FAF1: variants seen among roughly 807,000 people sequenced by gnomAD.
FAF1 encodes the protein FAS-associated factor 1.
In FAF1, 25 loss-of-function variants were observed where a neutral mutation model predicts 92.5. The observed-to-expected ratio is 0.27, with a 90% CI of 0.20 to 0.38. The LOEUF (loss-of-function observed/expected upper bound fraction) is 0.38, where lower values mean the gene tolerates loss of function less well. Ranked by LOEUF, FAF1 falls within the 10% of genes least tolerant of loss-of-function variation. FAF1 has a pLI of 1.00. For synonymous variants in FAF1, 234 were observed against 273.2 expected, an observed-to-expected ratio of 0.86 and a Z score of 1.42; for missense variants, 636 against 793.3, an observed-to-expected ratio of 0.80 and a Z score of 2.38.
chr1:50,799,653 T>C (rs1661898879), intron 3 of FAF1, among the ~76,000 whole-genome samples: 1 of 152,228 alleles, frequency 6.6e-6, no homozygotes, highest in Non-Finnish European at 1.5e-5. Context: ...CTCATGAGAA[T>C]ATTGCTTTAT....
chr1:50,690,998 C>T (rs1656896959), intron 7 of FAF1, among the ~76,000 whole-genome samples: 1 of 152,170 alleles, frequency 6.6e-6, no homozygotes, highest in Non-Finnish European at 1.5e-5. Flanking sequence ...TGGACTTCCA[C>T]ATTTTGGCTA....
intron 18 of FAF1, among the ~76,000 whole-genome samples, chr1:50,473,365 T>G (rs897713098): frequency 6.6e-6 from 1 of 152,190 alleles, no homozygotes; most frequent in Non-Finnish European, 1.5e-5. Context: ...GTCCTTAAAC[T>G]CTATTTCTTT....
chr1:50,840,501 T>C (rs1262082322), intron 2 of FAF1, among the ~76,000 whole-genome samples: 2 of 152,038 alleles, frequency 1.3e-5, no homozygotes, highest in African/African-American at 2.4e-5. Context: ...GGAAGATTTA[T>C]AAGGAATCTT....
chr1:50,686,407 T>C (rs1656658383), intron 7 of FAF1, among the ~76,000 whole-genome samples: 1 of 152,048 alleles, frequency 6.6e-6, no homozygotes, highest in Admixed American at 6.6e-5. Context: ...CTGGGTGTGG[T>C]GGCGAATGCC....
intron 8 of FAF1, among the ~76,000 whole-genome samples, chr1:50,623,575 GAAAA>G (rs1225232060): frequency 1.6e-4 from 21 of 131,676 alleles, no homozygotes; most frequent in Middle Eastern, 8.0e-3. Context: ...ACTCTGTCTT[GAAAA>G]AAAAAAAAAG....
rs111951410 is a variant in FAF1, at chr1:50,635,837, T to C, written c.744+19605A>G. Among the ~76,000 whole-genome samples, 226 of 152,326 alleles carry C rather than the reference T, an allele frequency of 1.5e-3. 2 individuals are homozygous for C. Among genetic ancestry groups the C allele is most frequent in the African/African-American group, 5.2e-3 (215 of 41,580 alleles). On this transcript the variant is annotated intron_variant, in intron 8 of 18. Coordinates refer to ENST00000396153, the MANE Select transcript of FAF1 (RefSeq NM_007051.3). ...TAAAGATAATTGCTCAACTGATAAA[T>C]AGAAATTTAGGTCAGCTACTAGGGG...
At chr1:50,446,340 C>T (rs138226090) in intron 18 of FAF1, among the ~76,000 whole-genome samples, 5 of 152,316 alleles carry the variant, frequency 3.3e-5, no homozygotes, top group African/African-American at 1.2e-4. Context: ...ATGAGTATCA[C>T]TAATGTAAAA....
intron 2 of FAF1, among the ~76,000 whole-genome samples, chr1:50,843,534 G>T (rs1322895601): frequency 6.6e-6 from 1 of 151,724 alleles, no homozygotes; most frequent in Non-Finnish European, 1.5e-5. Context: ...TTCATCCCCC[G>T]CTCCCTACCA....
chr1:50,491,865 AAACT>A, intron 15 of FAF1, 64 bp from the exon 16 acceptor site: 1 of 1,237,286 alleles, frequency 8.1e-7, no homozygotes, highest in Non-Finnish European at 1.2e-6. Flanking sequence ...AAGAGAAAAA[AAACT>A]AATGGTAATC....
At chr1:50,881,870 C>T (rs1318429216) in intron 1 of FAF1, among the ~76,000 whole-genome samples, 1 of 152,096 alleles carries the variant, frequency 6.6e-6, no homozygotes, top group Non-Finnish European at 1.5e-5. Context: ...GAGAAGGCAA[C>T]ATTAATATGT....
At chr1:50,594,263 C>T (rs1572856696) in intron 9 of FAF1, among the ~76,000 whole-genome samples, 4 of 150,160 alleles carry the variant, frequency 2.7e-5, no homozygotes, top group African/African-American at 2.5e-5. Flanking sequence ...TGTAGTGAGC[C>T]GAGATCGCAC....
chr1:50,805,083 A>G (rs995490916), intron 2 of FAF1, among the ~76,000 whole-genome samples: 12 of 152,364 alleles, frequency 7.9e-5, no homozygotes, highest in African/African-American at 2.6e-4. Context: ...CTCTCACTCT[A>G]TAATAGGAAA....
chr1:50,518,451 T>G (rs1647318929), intron 15 of FAF1, among the ~76,000 whole-genome samples: 1 of 151,960 alleles, frequency 6.6e-6, no homozygotes, highest in African/African-American at 2.4e-5. Flanking sequence ...TTCTTTTTTT[T>G]TTTTTTTAAG....
At chr1:50,900,678 C>T (rs1557581270) in intron 1 of FAF1, among the ~76,000 whole-genome samples, 2 of 152,164 alleles carry the variant, frequency 1.3e-5, no homozygotes, top group African/African-American at 4.8e-5. Flanking sequence ...ACAGCACATG[C>T]TCAGTAAGTC....
chr1:50,722,439 G>A (rs1245228479), intron 6 of FAF1, among the ~76,000 whole-genome samples: 1 of 152,100 alleles, frequency 6.6e-6, no homozygotes, highest in African/African-American at 2.4e-5. Flanking sequence ...ATGAGGTCAG[G>A]AGATTGAGAC....
intron 1 of FAF1, among the ~76,000 whole-genome samples, chr1:50,887,520 T>A (rs1342608467): frequency 6.6e-6 from 1 of 152,232 alleles, no homozygotes; most frequent in African/African-American, 2.4e-5. Flanking sequence ...GTCTAATAAT[T>A]AAGTCTTTAA....
chr1:50,703,229 T>C (rs1486800812), intron 7 of FAF1, among the ~76,000 whole-genome samples: 1 of 152,152 alleles, frequency 6.6e-6, no homozygotes, highest in Non-Finnish European at 1.5e-5. Context: ...CATTATAAAA[T>C]AAAACTACAA....
chr1:50,560,479 G>C (rs1027868567), intron 13 of FAF1, among the ~76,000 whole-genome samples: 1 of 152,202 alleles, frequency 6.6e-6, no homozygotes, highest in African/African-American at 2.4e-5. Flanking sequence ...TTAATACAAT[G>C]CTATGTGTAT....
intron 2 of FAF1, among the ~76,000 whole-genome samples, chr1:50,824,416 TA>T (rs894706018): frequency 1.3e-5 from 2 of 152,126 alleles, no homozygotes; most frequent in African/African-American, 4.8e-5. Flanking sequence ...ATAATAATGT[TA>T]ATCCTTTTTC....
Sources: gnomAD v4.1 joint callset for allele counts (sites outside exome capture counted in the v4.1 genomes callset) on GRCh38, gnomAD v4.1.1 for gene constraint, MANE v1.5 for transcripts, NCBI Gene and HGNC (gene_info 2026-07-23, HGNC 2026-07-21) for gene names.